The following NAA15 variants were observed in gnomAD, a reference collection of about 807,000 sequenced individuals.
NAA15 encodes N-terminal acetyltransferase.
In NAA15, 34 loss-of-function variants were observed where a neutral mutation model predicts 114.0. That is an observed-to-expected ratio of 0.30 (90% CI 0.23 to 0.40). NAA15 has a LOEUF of 0.40. Ranked by LOEUF, NAA15 falls within the 10% of genes least tolerant of loss-of-function variation. NAA15 has a pLI of 1.00. For missense variants in NAA15, 658 were observed against 1,004.5 expected (o/e 0.66, Z 4.66); for synonymous variants, 340 against 338.0 (o/e 1.01, Z -0.06).
chr4:139,304,074 C>T (rs534301194), intron 1 of NAA15, among the ~76,000 whole-genome samples: 1 of 152,290 alleles, frequency 6.6e-6, no homozygotes, highest in South Asian at 2.1e-4. Flanking sequence ...CCCGCCACCA[C>T]GCCTGGCTAA....
intron 3 of NAA15, among the ~76,000 whole-genome samples, chr4:139,338,589 A>G (rs1397108360): frequency 1.3e-5 from 2 of 152,162 alleles, no homozygotes; most frequent in Non-Finnish European, 2.9e-5. Context: ...CTGGCATTAC[A>G]GGTGCACAGC....
chr4:139,321,540 C>G (rs997100187), intron 1 of NAA15, among the ~76,000 whole-genome samples: 9 of 144,746 alleles, frequency 6.2e-5, no homozygotes, highest in Non-Finnish European at 1.0e-4. Context: ...GGTGAAATCT[C>G]TGCCCACTGC....
intron 1 of NAA15, among the ~76,000 whole-genome samples, chr4:139,303,616 G>T (rs936698884): frequency 1.3e-5 from 2 of 152,156 alleles, no homozygotes; most frequent in African/African-American, 4.8e-5. Flanking sequence ...GGCCAACGTA[G>T]TGAAATCCTG....
rs537312901 is a variant in NAA15, at chr4:139,328,117, G to C, written c.55-6057G>C. 4.4e-5 allele frequency among the ~76,000 whole-genome samples: 6 copies of C among 137,400 alleles called. No individual in the cohort carries two copies. In the South Asian group the frequency reaches 1.1e-3, roughly 25 times the overall value. 90.1% of individuals were successfully genotyped at this position (137,400 alleles called of 152,430 possible). On this transcript the variant is annotated intron_variant, in intron 1 of 19. Transcript: ENST00000296543. ...TGCTATGTCTGTCTTCTAGCCCACT[G>C]ATTTTTTTTTTCTTCTTCTGAAGTG...
At chr4:139,354,536 T>G (rs1747879242) in intron 10 of NAA15, among the ~76,000 whole-genome samples, 2 of 152,206 alleles carry the variant, frequency 1.3e-5, no homozygotes. Flanking sequence ...TGGGCTCAAG[T>G]GATCCTCTTG....
chr4:139,354,175 G>A (rs1227573000), intron 10 of NAA15, 77 bp downstream of exon 10: 5 of 1,210,782 alleles, frequency 4.1e-6, no homozygotes, highest in Non-Finnish European at 6.1e-6. Context: ...CAGAAGGTCA[G>A]TATTATTACT....
At chr4:139,346,912 T>C (rs929199323) in intron 6 of NAA15, among the ~76,000 whole-genome samples, 1 of 152,158 alleles carries the variant, frequency 6.6e-6, no homozygotes, top group South Asian at 2.1e-4. Flanking sequence ...AGGATGGGTA[T>C]AGTGTAGAGG....
At chr4:139,358,424 G>A (rs186454133) in intron 11 of NAA15, among the ~76,000 whole-genome samples, 1 of 152,130 alleles carries the variant, frequency 6.6e-6, no homozygotes, top group African/African-American at 2.4e-5. Flanking sequence ...TCGAACTCCT[G>A]GCCTAAAGTG....
intron 1 of NAA15, among the ~76,000 whole-genome samples, chr4:139,307,188 C>G (rs1247248076): frequency 6.6e-6 from 1 of 152,204 alleles, no homozygotes; most frequent in African/African-American, 2.4e-5. Flanking sequence ...TAGAATAGCA[C>G]TGCACAGTAG....
At chr4:139,347,025 A>G (rs1438561511) in intron 6 of NAA15, among the ~76,000 whole-genome samples, 1 of 151,548 alleles carries the variant, frequency 6.6e-6, no homozygotes, top group Non-Finnish European at 1.5e-5. Flanking sequence ...CTCCCCCCAA[A>G]CCCCACCCCC....
chr4:139,344,008 A>G (rs984893932), intron 5 of NAA15, among the ~76,000 whole-genome samples, 178 bp from the exon 6 acceptor site: 1 of 152,152 alleles, frequency 6.6e-6, no homozygotes, highest in African/African-American at 2.4e-5. Context: ...AACCTGTTAT[A>G]TCCTAATATT....
intron 9 of NAA15, among the ~76,000 whole-genome samples, 165 bp from the exon 10 acceptor site, chr4:139,353,861 G>A (rs540436454): frequency 2.4e-4 from 36 of 152,292 alleles, no homozygotes; most frequent in Middle Eastern, 6.8e-3. Flanking sequence ...GCAAAAGTAT[G>A]ATGTATTTTA....
intron 10 of NAA15, among the ~76,000 whole-genome samples, chr4:139,355,130 C>T (rs1331044230): frequency 6.6e-6 from 1 of 152,196 alleles, no homozygotes; most frequent in African/African-American, 2.4e-5. Flanking sequence ...CCGCCTGCTT[C>T]GGCCTCCCAA....
intron 14 of NAA15, among the ~76,000 whole-genome samples, chr4:139,369,080 T>TA (rs1478880050): frequency 6.6e-6 from 1 of 152,218 alleles, no homozygotes; most frequent in African/African-American, 2.4e-5. Flanking sequence ...GGCATGCTGC[T>TA]AGGCCCTGAA....
chr4:139,326,618 C>T (rs1015893989), intron 1 of NAA15, among the ~76,000 whole-genome samples: 4 of 152,046 alleles, frequency 2.6e-5, no homozygotes, highest in Admixed American at 6.6e-5. Flanking sequence ...TAAATTTTTC[C>T]GTTCATAGTG....
intron 1 of NAA15, among the ~76,000 whole-genome samples, chr4:139,321,821 A>C (rs553426769): frequency 1.3e-5 from 2 of 151,866 alleles, no homozygotes; most frequent in Non-Finnish European, 2.9e-5. Context: ...GTTTTGCTTT[A>C]AATCCTTTAG....
chr4:139,331,612 G>A (rs996088449), intron 1 of NAA15, among the ~76,000 whole-genome samples: 6 of 146,914 alleles, frequency 4.1e-5, no homozygotes, highest in South Asian at 2.2e-4. Context: ...CATCATGCCC[G>A]GCTAATTTTT....
At chr4:139,380,507 T>C (rs962136903) in intron 17 of NAA15, among the ~76,000 whole-genome samples, 1 of 152,190 alleles carries the variant, frequency 6.6e-6, no homozygotes, top group Admixed American at 6.5e-5. Flanking sequence ...TATTTAAATG[T>C]ATTTGCTTAT....
intron 1 of NAA15, among the ~76,000 whole-genome samples, chr4:139,308,938 G>A (rs1746120766): frequency 6.6e-6 from 1 of 151,754 alleles, no homozygotes; most frequent in African/African-American, 2.4e-5. Context: ...ATTTAAACTC[G>A]GATAAATTAT....
Sources: gnomAD v4.1 joint callset for allele counts (sites outside exome capture counted in the v4.1 genomes callset) on GRCh38, gnomAD v4.1.1 for gene constraint, MANE v1.5 for transcripts, NCBI Gene and HGNC (gene_info 2026-07-23, HGNC 2026-07-21) for gene names.